CENPE: variants seen among roughly 807,000 people sequenced by gnomAD.
The protein encoded by CENPE is centromere protein E.
A neutral mutation model predicts 336.1 loss-of-function variants in CENPE; 145 were observed. The ratio of observed to expected loss-of-function variants is 0.43; its 90% confidence interval spans 0.38 to 0.50. The LOEUF (loss-of-function observed/expected upper bound fraction) is 0.50. Among genes scored for constraint, CENPE ranks in the 20% least tolerant of loss-of-function variants. The pLI is 0.00. For missense variants in CENPE, 2,719 were observed against 3,023.3 expected (o/e 0.90, Z 2.36); for synonymous variants, 1,013 against 984.8 (o/e 1.03, Z -0.54).
chr4:103,113,371 T>C (rs1460959040), intron 46 of CENPE, among the ~76,000 whole-genome samples: 1 of 142,348 alleles, frequency 7.0e-6, no homozygotes, highest in Non-Finnish European at 1.5e-5. Flanking sequence ...TATACTTCTA[T>C]AGACTTATAA....
chr4:103,136,317 A>G lies in CENPE; in HGVS notation c.6346T>C (p.Cys2116Arg). Residue 2116 changes from cysteine (C) to arginine (R), a missense_variant, in exon 40 of 49, where the codon TGC (cysteine) becomes CGC (arginine). This residue lies in a region of CENPE where 2,437 missense variants were observed against 2,513.3 expected (regional missense o/e 0.97). Coordinates refer to ENST00000265148, the MANE Select transcript of CENPE (RefSeq NM_001813.3). ...AAGTCAAGAGACAATCTATTCAAGC[A>G]CTCATAATGATCATCCATCTCTGAG... ...RYSEMDDHYE[C>R]LNRLSLDLEK... is the part of the protein sequence containing the mutation. 2 of 1,612,680 alleles carry G rather than the reference A, an allele frequency of 1.2e-6. No homozygotes were observed. Among genetic ancestry groups the G allele is most frequent in the Non-Finnish European group, 1.7e-6 (2 of 1,179,706 alleles).
intron 2 of CENPE, 109 bp from the exon 3 acceptor site, chr4:103,196,361 G>C (rs1757733628): frequency 2.3e-6 from 2 of 851,332 alleles, no homozygotes; most frequent in African/African-American, 3.4e-5. Flanking sequence ...TCAGAATGTA[G>C]GATGATCAAC....
intron 36 of CENPE, among the ~76,000 whole-genome samples, 167 bp downstream of exon 36, chr4:103,140,647 A>G (rs1578590831): frequency 1.3e-5 from 2 of 151,976 alleles, no homozygotes; most frequent in Middle Eastern, 6.8e-3. Context: ...CAAAAAGAAT[A>G]CCCCATTCTT....
At chr4:103,130,406 C>A (rs963806993) in intron 42 of CENPE, among the ~76,000 whole-genome samples, 1 of 152,164 alleles carries the variant, frequency 6.6e-6, no homozygotes, top group African/African-American at 2.4e-5. Context: ...ATTAAAAATA[C>A]ATTACCATTT....
chr4:103,190,324 C>T (rs187522735), intron 8 of CENPE, among the ~76,000 whole-genome samples: 35 of 152,242 alleles, frequency 2.3e-4, no homozygotes, highest in East Asian at 1.5e-3. Context: ...AAAAAGAGCC[C>T]GCATTGCCAA....
chr4:103,197,353 G>A (rs1346690834), intron 1 of CENPE, among the ~76,000 whole-genome samples: 1 of 152,134 alleles, frequency 6.6e-6, no homozygotes, highest in South Asian at 2.1e-4. Flanking sequence ...CATGAAAAGC[G>A]TCAAGACTTT....
At position 103,146,762 on chromosome 4, in the gene CENPE, A is replaced by G. The variant is rs1753089430; in HGVS notation, c.4134+594T>C. 2.0e-5 allele frequency among the ~76,000 whole-genome samples: 3 copies of G among 152,360 alleles called. 1 individual carries two copies. The South Asian group carries it at 6.2e-4, about 32-fold the overall frequency. On this transcript the variant is annotated intron_variant, in intron 29 of 48. Coordinates refer to ENST00000265148, the MANE Select transcript of CENPE (RefSeq NM_001813.3). The stretch of plus-strand genomic sequence containing the variant: ...AGAAAGGATAACTTAGGCTTAGTAT[A>G]GAAACTGGATTAGAGAAGTCTAAGA...
At chr4:103,109,156 T>C (rs1749168456) in intron 47 of CENPE, 67 bp from the exon 48 acceptor site, 1 of 1,207,076 alleles carries the variant, frequency 8.3e-7, no homozygotes, top group Non-Finnish European at 1.1e-6. Context: ...TTCACATTTA[T>C]ATTTAAAAAT....
chr4:103,107,059 T>C (rs555828325), intron 48 of CENPE, among the ~76,000 whole-genome samples: 17 of 152,330 alleles, frequency 1.1e-4, no homozygotes, highest in Non-Finnish European at 1.9e-4. Context: ...ATTATGCATA[T>C]GCCTCTGGCA....
At chr4:103,144,288 T>A in intron 33 of CENPE, 43 bp downstream of exon 33, 1 of 1,509,062 alleles carries the variant, frequency 6.6e-7, no homozygotes, top group Non-Finnish European at 8.9e-7. Context: ...CTCTTAGGAC[T>A]CAATGTCATA....
chr4:103,133,923 A>G (rs564504612), intron 40 of CENPE, 31 bp from the exon 41 acceptor site: 19 of 1,444,248 alleles, frequency 1.3e-5, no homozygotes, highest in African/African-American at 9.9e-5. Flanking sequence ...AAATTGGTAA[A>G]TGAAAATTTT....
At chr4:103,182,532 T>C (rs1054330903) in intron 11 of CENPE, among the ~76,000 whole-genome samples, 2 of 152,210 alleles carry the variant, frequency 1.3e-5, no homozygotes, top group African/African-American at 4.8e-5. Flanking sequence ...ATTTTAAAAA[T>C]ATCAAGTCAA....
At chr4:103,193,062 A>G (rs887078618) in intron 8 of CENPE, among the ~76,000 whole-genome samples, 2 of 152,074 alleles carry the variant, frequency 1.3e-5, no homozygotes, top group Non-Finnish European at 2.9e-5. Flanking sequence ...AGAGACAGAG[A>G]TGACTCTTTA....
chr4:103,198,249 G>A lies in CENPE; in HGVS notation c.56+15C>T. 1 of 1,549,592 alleles carries A rather than the reference G, an allele frequency of 6.5e-7. No homozygotes were observed. Among genetic ancestry groups the A allele is most frequent in the Non-Finnish European group, 8.7e-7 (1 of 1,146,520 alleles). ...CAGGCCCAGCGGGCACCGGGCCGTG[G>A]TGTGGCCCCCCTACCTGCTGTTCAG... On this transcript the variant is annotated intron_variant, in intron 1 of 48. Transcript: ENST00000265148.
chr4:103,174,869 G>A lies in CENPE; in HGVS notation c.1514C>T (p.Ala505Val). ...NIESELNSLR[A>V]DYDNLVLDYE... ...GTCTAATACCAGATTATCATAGTCA[G>A]CACGAAGTGAGTTCAACTCACTTTC... Residue 505 changes from alanine to valine, a missense_variant, in exon 16 of 49, where the codon GCT becomes GTT. Ala to Val is a moderately conservative substitution (Grantham distance 64). Transcript: ENST00000265148. 6.7e-7 allele frequency: 1 copy of A among 1,501,102 alleles called. No homozygotes were observed. The highest frequency in any genetic ancestry group is 8.9e-7 in the Non-Finnish European group (1 of 1,128,016). 93.0% of individuals were successfully genotyped at this position (1,501,102 alleles called of 1,614,324 possible). A position where few individuals can be genotyped will look rare whatever the true frequency, so the allele number is the denominator to read the frequency against.
chr4:103,123,314 A>G (rs548260005), intron 42 of CENPE, among the ~76,000 whole-genome samples: 1 of 152,304 alleles, frequency 6.6e-6, no homozygotes, highest in Admixed American at 6.5e-5. Context: ...CCTGGGATGT[A>G]AATCATCCTC....
chr4:103,177,569 T>A (rs572666192), intron 13 of CENPE, among the ~76,000 whole-genome samples: 1 of 151,992 alleles, frequency 6.6e-6, no homozygotes, highest in Admixed American at 6.5e-5. Flanking sequence ...TTGTATCGAG[T>A]ATCAACCTTA....
chr4:103,147,419 T>G lies in CENPE; in HGVS notation c.4071A>C (p.Ile1357=). Residue 1357 remains isoleucine, a synonymous_variant, in exon 29 of 49, where the codon ATA becomes ATC. Transcript: ENST00000265148. ...CATGTTTAACTTCAAGGGCTTCTTT[T>G]ATCGTTTTAAGGTTGTCTCTTTCCT... ...LTKERDNLKT[I]KEALEVKHDQ... 4 of 1,613,490 alleles carry G rather than the reference T, an allele frequency of 2.5e-6. No homozygotes were observed. Among genetic ancestry groups the G allele is most frequent in the Non-Finnish European group, 3.4e-6 (4 of 1,179,952 alleles).
chr4:103,161,426 T>C lies in CENPE; in HGVS notation c.1874A>G (p.Gln625Arg). Residue 625 changes from glutamine to arginine, a missense_variant, in exon 19 of 49, where the codon CAG becomes CGG. By Grantham distance (43) the Gln-to-Arg change is conservative. Transcript: ENST00000265148. ...ESIEDPKQMK[Q>R]TLFDAETVAL... Reference sequence around the variant, plus strand: ...TACAGTTTCAGCATCAAACAGAGTCTGCTTCATTTGTTTTGGGTCTTCAAT... The same window carrying C: ...TACAGTTTCAGCATCAAACAGAGTCCGCTTCATTTGTTTTGGGTCTTCAAT... 3 of 1,611,928 alleles carry C rather than the reference T, an allele frequency of 1.9e-6. No homozygotes were observed. The highest frequency in any genetic ancestry group is 2.5e-6 in the Non-Finnish European group (3 of 1,179,072).
Sources: gnomAD v4.1 joint callset for allele counts (sites outside exome capture counted in the v4.1 genomes callset) on GRCh38, gnomAD v4.1.1 for gene constraint, gnomAD v4.1.1 regional missense constraint, MANE v1.5 for transcripts, NCBI Gene and HGNC (gene_info 2026-07-23, HGNC 2026-07-21) for gene names.